Variants in CCDC134 observed in about 807,000 individuals in gnomAD.
The protein encoded by CCDC134 is coiled-coil domain-containing protein 134.
Under a neutral mutation model 25.6 loss-of-function variants are expected in CCDC134, and 27 were observed. That is an observed-to-expected ratio of 1.05 (90% CI 0.78 to 1.45). The LOEUF (loss-of-function observed/expected upper bound fraction) is 1.45, where lower values mean the gene tolerates loss of function less well. Ranked by LOEUF, CCDC134 falls within the 40% of genes most tolerant of loss-of-function variation. The pLI, the probability that CCDC134 is intolerant of heterozygous loss-of-function variation, is 0.00. For missense variants in CCDC134, 261 were observed against 286.7 expected (o/e 0.91, Z 0.65); for synonymous variants, 110 against 115.0 (o/e 0.96, Z 0.28).
At chr22:41,803,870 G>A (rs545187010) in intron 1 of CCDC134, among the ~76,000 whole-genome samples, 49 of 152,060 alleles carry the variant, frequency 3.2e-4, no homozygotes, top group African/African-American at 8.7e-4. Flanking sequence ...GGTGGCTCAC[G>A]CCTGTAATCC....
At position 41,809,931 on chromosome 22, in the gene CCDC134, C is replaced by T. The variant is rs1364505928; in HGVS notation, c.156C>T (p.Asn52=). The T allele has an allele frequency of 6.2e-7, 1 of 1,614,136 alleles. No individual in the cohort carries two copies. ...KRREQLLALK[N]LAQLNDIHQQ... ...GGGAGCAGCTGTTGGCACTGAAGAACCTGGCACAGCTGAACGACATCCACC... is the reference window on the plus strand; with the variant it reads ...GGGAGCAGCTGTTGGCACTGAAGAATCTGGCACAGCTGAACGACATCCACC... Residue 52 remains asparagine (N), a synonymous_variant, in exon 3 of 7, where the codon AAC becomes AAT. Transcript: ENST00000255784.
Position 41,809,648 on chromosome 22 carries a change from T to C in CCDC134, c.104-231T>C, listed in dbSNP as rs1359940079. 1.2e-4 allele frequency among the ~76,000 whole-genome samples: 18 copies of C among 152,006 alleles called. 1 individual carries two copies. The highest frequency in any genetic ancestry group is 1.2e-3 in the Admixed American group (18 of 15,252). ...CAGCAAAGGGAAGGCAGGAGCCAGG[T>C]CTGGAGGCTTGGTTTCAGGCTTCTG... On this transcript the variant is annotated intron_variant, in intron 2 of 6. Transcript: ENST00000255784.
rs1194517870 is a variant in CCDC134 at position 41,826,588 on chromosome 22, C to T, written c.*765C>T. ...TCTGGGGACAGTCATTGAGCAAGCA[C>T]AGGGAAGTCAGCTTGTTCTCTCTGG... On this transcript the variant is annotated 3_prime_UTR_variant, in exon 7 of 7. Coordinates refer to ENST00000255784, the MANE Select transcript of CCDC134 (RefSeq NM_024821.5). 6.6e-6 allele frequency among the ~76,000 whole-genome samples: 1 copy of T among 152,238 alleles called. No homozygotes were observed. Among genetic ancestry groups the T allele is most frequent in the East Asian group, 1.9e-4 (1 of 5,194 alleles).
intron 1 of CCDC134, among the ~76,000 whole-genome samples, chr22:41,804,599 A>C (rs1002826253): frequency 1.3e-5 from 2 of 152,246 alleles, no homozygotes; most frequent in African/African-American, 4.8e-5. Flanking sequence ...AAACCAAGGC[A>C]GACTTTAGAT....
chr22:41,813,895 C>A, intron 6 of CCDC134, 73 bp downstream of exon 6: 1 of 1,428,578 alleles, frequency 7.0e-7, no homozygotes, highest in Non-Finnish European at 9.9e-7. Flanking sequence ...CCTGCAGGGG[C>A]TGGGGACCTT....
rs908634094 is a variant in CCDC134 at position 41,828,106 on chromosome 22, A to G, written c.*2283A>G. 6.6e-6 allele frequency among the ~76,000 whole-genome samples: 1 copy of G among 152,186 alleles called. No homozygotes were observed. The highest frequency in any genetic ancestry group is 1.5e-5 in the Non-Finnish European group (1 of 68,028). ...CTGAATAACTTCTACGGGCTCTGTC[A>G]TTAGCAGGATTTGTATAATTTGAAG... On this transcript the variant is annotated 3_prime_UTR_variant, in exon 7 of 7. Transcript: ENST00000255784.
chr22:41,826,702 C>T lies in CCDC134; in HGVS notation c.*879C>T, dbSNP rs1198645878. ...GGAGGCCGTGCTCCGCAATGGCTGC[C>T]CTAAGCTGCATGGGTCAGACAGCTT... On this transcript the variant is annotated 3_prime_UTR_variant, in exon 7 of 7. Transcript: ENST00000255784. 2.6e-5 allele frequency among the ~76,000 whole-genome samples: 4 copies of T among 152,234 alleles called. No individual in the cohort carries two copies. In the South Asian group the frequency reaches 6.2e-4, roughly 24 times the overall value.
chr22:41,813,661 G>A (rs1569355968), intron 5 of CCDC134, 90 bp from the exon 6 acceptor site: 1 of 1,408,376 alleles, frequency 7.1e-7, no homozygotes. Context: ...GCCCAAGTCA[G>A]GAGTCTGGGT....
chr22:41,824,033 T>C (rs1386257372), intron 6 of CCDC134, among the ~76,000 whole-genome samples: 1 of 152,202 alleles, frequency 6.6e-6, no homozygotes, highest in Non-Finnish European at 1.5e-5. Context: ...TATTGAATGC[T>C]CTTGAAAAGC....
chr22:41,816,017 T>G (rs767504846), intron 6 of CCDC134, among the ~76,000 whole-genome samples: 1 of 152,078 alleles, frequency 6.6e-6, no homozygotes, highest in Non-Finnish European at 1.5e-5. Context: ...GACCAGTAAG[T>G]CTCATTTTGG....
chr22:41,815,204 CTTTTTT>C (rs869174312), intron 6 of CCDC134, among the ~76,000 whole-genome samples: 2 of 122,140 alleles, frequency 1.6e-5, no homozygotes, highest in African/African-American at 3.4e-5. Context: ...CTTTTCTTTT[CTTTTTT>C]TTTTTTTTTT....
intron 6 of CCDC134, among the ~76,000 whole-genome samples, chr22:41,814,230 G>A (rs1054244011): frequency 6.6e-6 from 1 of 152,134 alleles, no homozygotes; most frequent in Admixed American, 6.6e-5. Flanking sequence ...GTTCCAGGGG[G>A]CTGAGGTGGG....
chr22:41,819,963 T>TATA (rs57794600), intron 6 of CCDC134, among the ~76,000 whole-genome samples: 3 of 82,628 alleles, frequency 3.6e-5, no homozygotes, highest in African/African-American at 1.8e-4. Flanking sequence ...ACTTACCACT[T>TATA]TATATATATA....
chr22:41,809,128 C>T, intron 2 of CCDC134, 135 bp downstream of exon 2: 1 of 671,394 alleles, frequency 1.5e-6, no homozygotes, highest in Non-Finnish European at 2.5e-6. Flanking sequence ...CTAGCCAGAC[C>T]TTGAGCAAGT....
rs1356417080 is a variant in CCDC134, at chr22:41,828,965, G to T, written c.*3142G>T. ...GCTCCCTGATATCCTTTAAGACAGC[G>T]TTTTCCAGCAGCGGCACTATTAACG... On this transcript the variant is annotated 3_prime_UTR_variant, in exon 7 of 7. Transcript: ENST00000255784. 6.6e-6 allele frequency among the ~76,000 whole-genome samples: 1 copy of T among 152,178 alleles called. No homozygotes were observed. Among genetic ancestry groups the T allele is most frequent in the Non-Finnish European group, 1.5e-5 (1 of 68,042 alleles).
intron 1 of CCDC134, among the ~76,000 whole-genome samples, chr22:41,806,462 C>T (rs1385727136): frequency 2.0e-5 from 3 of 151,676 alleles, no homozygotes; most frequent in Non-Finnish European, 2.9e-5. Flanking sequence ...CCTTGTGATC[C>T]GCCCACCTCG....
chr22:41,828,488 C>T lies in CCDC134; in HGVS notation c.*2665C>T, dbSNP rs1002548560. ...CCTCCTGGGCTCTTTCCTCTAATACCGTCATCCTCTCTCCAACCTGGTTAA... is the reference window on the plus strand; with the variant it reads ...CCTCCTGGGCTCTTTCCTCTAATACTGTCATCCTCTCTCCAACCTGGTTAA... On this transcript the variant is annotated 3_prime_UTR_variant, in exon 7 of 7. Coordinates refer to ENST00000255784, the MANE Select transcript of CCDC134 (RefSeq NM_024821.5). Among the ~76,000 whole-genome samples the T allele has an allele frequency of 2.0e-5, 3 of 152,150 alleles. No individual in the cohort carries two copies. The highest frequency in any genetic ancestry group is 1.9e-4 in the East Asian group (1 of 5,198).
At chr22:41,818,508 G>C (rs959519276) in intron 6 of CCDC134, among the ~76,000 whole-genome samples, 4 of 152,230 alleles carry the variant, frequency 2.6e-5, no homozygotes, top group Non-Finnish European at 5.9e-5. Context: ...TCAAAGGTTA[G>C]GAGTCAGGCC....
chr22:41,813,537 T>C, intron 5 of CCDC134, 92 bp downstream of exon 5: 1 of 1,435,852 alleles, frequency 7.0e-7, no homozygotes. Flanking sequence ...TGAACGTCAG[T>C]GCTTGGTTAC....
Sources: allele counts gnomAD v4.1 joint callset (sites outside exome capture counted in the v4.1 genomes callset), GRCh38; gene constraint gnomAD v4.1.1; transcripts MANE v1.5; gene names NCBI Gene and HGNC (gene_info 2026-07-23, HGNC 2026-07-21).